LAMP2: variants seen among roughly 807,000 people sequenced by gnomAD.
LAMP2 encodes the protein lysosome associated membrane protein 2.
Under a neutral mutation model 25.6 loss-of-function variants are expected in LAMP2, and 4 were observed. The observed-to-expected ratio is 0.16, with a 90% CI of 0.08 to 0.36. The LOEUF (loss-of-function observed/expected upper bound fraction) is 0.36. Among genes scored for constraint, LAMP2 ranks in the 10% least tolerant of loss-of-function variants. The probability of loss-of-function intolerance (pLI) is 1.00; values close to 1 mark genes in which losing one functional copy is unlikely to be tolerated. For synonymous variants in LAMP2, 108 were observed against 112.7 expected (o/e 0.96, Z 0.27); for missense variants, 272 against 301.4 (o/e 0.90, Z 0.72).
chrX:120,459,274 G>T (rs1038160204), intron 1 of LAMP2, among the ~76,000 whole-genome samples: 6 of 111,876 alleles, frequency 5.4e-5, no homozygotes, highest in Non-Finnish European at 1.1e-4. Flanking sequence ...AACACCCCTT[G>T]TCCCCTTGTT....
At chrX:120,436,170 A>ACACACACACACACACACTCTCT (rs1251901451) in intron 8 of LAMP2, among the ~76,000 whole-genome samples, 3 of 57,302 alleles carry the variant, frequency 5.2e-5, no homozygotes, top group African/African-American at 1.5e-4. Flanking sequence ...ACACACACAC[A>ACACACACACACACACACTCTCT]CTCTCTCTCT....
intron 1 of LAMP2, among the ~76,000 whole-genome samples, chrX:120,460,409 C>A (rs752172154): frequency 9.0e-6 from 1 of 111,603 alleles, no homozygotes; most frequent in Non-Finnish European, 1.9e-5. Flanking sequence ...GGGTCAACTA[C>A]ACTTCCAAAG....
rs773525538 is a variant in LAMP2 at position 120,449,065 on chromosome X, T to C, written c.461A>G (p.Asn154Ser). The C allele has an allele frequency of 2.2e-5, 26 of 1,201,801 alleles. No individual in the cohort carries two copies. The Admixed American group carries it at 5.7e-4, about 26-fold the overall frequency. ...ATTCTTTTCCAAAGTTGATAAACTA[T>C]TGCATCTAAAAAGGTCATTCAATGG... is the stretch of plus-strand genomic sequence containing the variant. ...RIPLNDLFRC[N>S]SLSTLEKNDV... The change falls in exon 4 of 9, where the codon AAT (asparagine) becomes AGT (serine). Residue 154 changes from asparagine to serine, a missense_variant. By Grantham distance (46) the Asn-to-Ser change is conservative. Transcript: ENST00000200639.
chrX:120,441,721 G>A lies in LAMP2; in HGVS notation c.1093+9C>T, dbSNP rs371259269. ...CATAAATTATTAATGAAGTTTGCTT[G>A]ATTCTTACCTGTAGAATACTTTCCT... On this transcript the variant is annotated intron_variant, in intron 8 of 8. Coordinates refer to ENST00000200639, the MANE Select transcript of LAMP2 (RefSeq NM_002294.3). The A allele has an allele frequency of 1.1e-5, 13 of 1,192,301 alleles. No homozygotes were observed. The highest frequency in any genetic ancestry group is 1.8e-5 in the African/African-American group (1 of 56,859).
At chrX:120,437,147 A>G in intron 8 of LAMP2, 1 of 749,441 alleles carries the variant, frequency 1.3e-6, no homozygotes, top group Non-Finnish European at 1.6e-6. Context: ...GCTCTAAGAG[A>G]GGGGTTAGTC....
At chrX:120,439,160 A>C in intron 8 of LAMP2, 1 of 1,209,281 alleles carries the variant, frequency 8.3e-7, no homozygotes, top group African/African-American at 1.7e-5. Context: ...AGTGTTACAG[A>C]GTCTGATATC....
rs1480785684 is a variant in LAMP2, at chrX:120,429,619, A to AT, written c.*1703dup. 1.5e-5 allele frequency: 11 copies of AT among 745,973 alleles called. No homozygotes were observed. In the South Asian group the frequency reaches 2.8e-4, roughly 19 times the overall value. The allele number at this position is 745,973 out of a possible 1,213,427, so 61.5% of individuals were successfully genotyped here. ...TACTACTGAAAAAGCCCATATTAGTATTAAAAAAAAAACTTAAGCAAAACA... is the reference window on the plus strand; with the variant it reads ...TACTACTGAAAAAGCCCATATTAGTATTTAAAAAAAAAACTTAAGCAAAACA... On this transcript the variant is annotated 3_prime_UTR_variant, in exon 9 of 9. Transcript: ENST00000200639.
intron 8 of LAMP2, chrX:120,436,831 T>C: frequency 1.4e-6 from 1 of 739,749 alleles, no homozygotes; most frequent in Non-Finnish European, 1.6e-6. Context: ...TCAGGTTTTC[T>C]ATAAAACAGT....
intron 3 of LAMP2, among the ~76,000 whole-genome samples, chrX:120,453,484 G>A (rs1487491954): frequency 8.9e-6 from 1 of 111,798 alleles, no homozygotes; most frequent in Non-Finnish European, 1.9e-5. Flanking sequence ...CAACGGGCAG[G>A]GGGAGAAAGA....
At chrX:120,451,626 CG>C (rs753768840) in intron 3 of LAMP2, among the ~76,000 whole-genome samples, 3 of 110,658 alleles carry the variant, frequency 2.7e-5, no homozygotes, top group Non-Finnish European at 5.7e-5. Context: ...CACTACCACC[CG>C]GCTAATTTTT....
intron 3 of LAMP2, among the ~76,000 whole-genome samples, chrX:120,455,065 G>GTA (rs2058640079): frequency 9.9e-6 from 1 of 100,599 alleles, no homozygotes; most frequent in East Asian, 3.0e-4. Context: ...ACATATATAT[G>GTA]TATATATATA....
In LAMP2 at chrX:120,439,289, T is replaced by C. The variant is rs962535528; in HGVS notation, c.1093+2441A>G. 4.1e-6 allele frequency: 5 copies of C among 1,206,189 alleles called. No homozygotes were observed. In the Middle Eastern group the frequency reaches 6.9e-4, roughly 167 times the overall value. On this transcript the variant is annotated intron_variant, in intron 8 of 8. Transcript: ENST00000200639. The stretch of plus-strand genomic sequence containing the variant: ...TGGTGTCATCATCCAGCGAACACTC[T>C]TGGGCTGTAGGTGAGAAAAAGTGTG...
intron 6 of LAMP2, among the ~76,000 whole-genome samples, chrX:120,442,971 A>C (rs918734298): frequency 9.0e-6 from 1 of 111,510 alleles, no homozygotes; most frequent in Non-Finnish European, 1.9e-5. Flanking sequence ...CCTGGATCAC[A>C]GCAGCCTCTT....
chrX:120,436,170 A>ACACACTCTCTCTCT lies in LAMP2; in HGVS notation c.1094-4709_1094-4708insAGAGAGAGAGTGTG, dbSNP rs1251901451. ...CACACACACACACACACACACACAC[A>ACACACTCTCTCTCT]CTCTCTCTCTCTCTCTCTGTCTCTC... On this transcript the variant is annotated intron_variant, in intron 8 of 8. Coordinates refer to ENST00000200639, the MANE Select transcript of LAMP2 (RefSeq NM_002294.3). 4.5e-3 allele frequency among the ~76,000 whole-genome samples: 259 copies of ACACACTCTCTCTCT among 57,261 alleles called. 1 individual carries two copies. Among genetic ancestry groups the ACACACTCTCTCTCT allele is most frequent in the African/African-American group, 0.012 (229 of 19,811 alleles). 49.7% of individuals were successfully genotyped at this position (57,261 alleles called of 115,157 possible). A position where few individuals can be genotyped will look rare whatever the true frequency, so the allele number is the denominator to read the frequency against.
At chrX:120,438,252 T>G in intron 8 of LAMP2, 1 of 746,217 alleles carries the variant, frequency 1.3e-6, no homozygotes, top group Non-Finnish European at 1.6e-6. Flanking sequence ...ATAAAATACA[T>G]CACTATCAAC....
At chrX:120,453,578 G>C (rs1477055943) in intron 3 of LAMP2, among the ~76,000 whole-genome samples, 1 of 112,317 alleles carries the variant, frequency 8.9e-6, no homozygotes, top group South Asian at 3.7e-4. Flanking sequence ...GGGAGGCTGA[G>C]GTGGGTGGAT....
At chrX:120,449,634 A>T (rs1242403580) in intron 3 of LAMP2, among the ~76,000 whole-genome samples, 2 of 111,663 alleles carry the variant, frequency 1.8e-5, no homozygotes, top group African/African-American at 6.5e-5. Flanking sequence ...AGAAAAAGAA[A>T]GAAAAAAGGA....
intron 5 of LAMP2, among the ~76,000 whole-genome samples, chrX:120,447,414 A>G (rs772964039): frequency 1.1e-4 from 12 of 105,401 alleles, no homozygotes; most frequent in African/African-American, 4.2e-4. Flanking sequence ...TCTCAGAAAA[A>G]AAAGAAAGAA....
At chrX:120,436,881 C>G (rs1020796867) in intron 8 of LAMP2, 2 of 733,642 alleles carry the variant, frequency 2.7e-6, no homozygotes, top group Non-Finnish European at 3.2e-6. Flanking sequence ...GGCATATAAT[C>G]TGAATGTAGA....
Sources: gnomAD v4.1 joint callset for allele counts (sites outside exome capture counted in the v4.1 genomes callset) on GRCh38, gnomAD v4.1.1 for gene constraint, MANE v1.5 for transcripts, NCBI Gene and HGNC (gene_info 2026-07-23, HGNC 2026-07-21) for gene names.